GPC5: variants seen among roughly 807,000 people sequenced by gnomAD.
GPC5 encodes the protein glypican-5.
Under a neutral mutation model 53.9 loss-of-function variants are expected in GPC5, and 47 were observed. The observed-to-expected ratio is 0.87, with a 90% CI of 0.69 to 1.11. GPC5 has a LOEUF of 1.11. Among genes scored for constraint, GPC5 ranks in the 50% most tolerant of loss-of-function variants. The pLI is 0.00. For missense variants in GPC5, 748 were observed against 713.1 expected (o/e 1.05, Z -0.56); for synonymous variants, 286 against 263.3 (o/e 1.09, Z -0.84).
At chr13:91,858,254 G>C (rs114500484) in intron 5 of GPC5, among the ~76,000 whole-genome samples, 2 of 151,858 alleles carry the variant, frequency 1.3e-5, no homozygotes, top group African/African-American at 4.8e-5. Context: ...CCAGGTCTTA[G>C]AGGAAAGGCT....
intron 1 of GPC5, among the ~76,000 whole-genome samples, chr13:91,409,384 G>T (rs1877560013): frequency 6.6e-6 from 1 of 152,194 alleles, no homozygotes; most frequent in South Asian, 2.1e-4. Flanking sequence ...CTATTTGTTA[G>T]GTGAAGCTAT....
chr13:92,830,793 A>G (rs1173082939), intron 7 of GPC5, among the ~76,000 whole-genome samples: 1 of 152,162 alleles, frequency 6.6e-6, no homozygotes, highest in Non-Finnish European at 1.5e-5. Context: ...AGAAATTTGA[A>G]TTCTGCAAGT....
intron 1 of GPC5, among the ~76,000 whole-genome samples, chr13:91,448,357 T>G (rs1880945002): frequency 6.6e-6 from 1 of 152,214 alleles, no homozygotes; most frequent in South Asian, 2.1e-4. Flanking sequence ...TCAGTTTCAT[T>G]TCCCCATGAA....
chr13:92,166,512 A>G (rs1242098827), intron 7 of GPC5, among the ~76,000 whole-genome samples: 2 of 152,122 alleles, frequency 1.3e-5, no homozygotes, highest in African/African-American at 4.8e-5. Context: ...TAAACCCATC[A>G]GATAAAGACC....
At chr13:92,484,335 GT>G (rs1260177996) in intron 7 of GPC5, among the ~76,000 whole-genome samples, 2 of 152,004 alleles carry the variant, frequency 1.3e-5, no homozygotes, top group Non-Finnish European at 2.9e-5. Context: ...GTTAATTTTT[GT>G]TTTTTAATAT....
At chr13:92,691,686 C>T (rs1887405039) in intron 7 of GPC5, among the ~76,000 whole-genome samples, 1 of 151,928 alleles carries the variant, frequency 6.6e-6, no homozygotes. Flanking sequence ...TAAATTATCA[C>T]ATTCATTAAC....
intron 2 of GPC5, among the ~76,000 whole-genome samples, chr13:91,671,780 CAA>C (rs55758033): frequency 0.027 from 903 of 32,992 alleles, 1 homozygote; most frequent in African/African-American, 0.084. Context: ...CAATCTGAAG[CAA>C]AAAAAAAAAA....
At chr13:92,608,997 ATTGTT>A (rs1470279508) in intron 7 of GPC5, among the ~76,000 whole-genome samples, 1 of 151,952 alleles carries the variant, frequency 6.6e-6, no homozygotes, top group Non-Finnish European at 1.5e-5. Flanking sequence ...AAAAACTGTT[ATTGTT>A]TTATTTAATT....
At chr13:92,514,734 A>T (rs1880705055) in intron 7 of GPC5, among the ~76,000 whole-genome samples, 1 of 152,178 alleles carries the variant, frequency 6.6e-6, no homozygotes, top group East Asian at 1.9e-4. Context: ...TTCTAAACTC[A>T]GTTCTGGACT....
At chr13:91,732,562 A>G (rs923048744) in intron 4 of GPC5, among the ~76,000 whole-genome samples, 4 of 151,870 alleles carry the variant, frequency 2.6e-5, no homozygotes, top group African/African-American at 9.7e-5. Context: ...TTTTGTTGCA[A>G]TTGCTTTTGG....
chr13:92,460,972 G>C (rs1878455531), intron 7 of GPC5, among the ~76,000 whole-genome samples: 1 of 152,134 alleles, frequency 6.6e-6, no homozygotes, highest in African/African-American at 2.4e-5. Context: ...AAACAAATCT[G>C]AGTGAAGCTT....
rs927168183 is a variant in GPC5 at position 92,858,628 on chromosome 13, C to T, written c.1562-7654C>T. On this transcript the variant is annotated intron_variant, in intron 7 of 7. Coordinates refer to ENST00000377067, the MANE Select transcript of GPC5 (RefSeq NM_004466.6). ...AATCTTGCCTACACACAGATATAGA[C>T]GAAAATAGACAATGGTGACTCCAAA... Among the ~76,000 whole-genome samples the T allele has an allele frequency of 7.9e-5, 12 of 151,884 alleles. No homozygotes were observed. In the East Asian group the frequency reaches 9.7e-4, roughly 12 times the overall value.
At chr13:91,406,461 G>T (rs976294746) in intron 1 of GPC5, among the ~76,000 whole-genome samples, 7 of 152,092 alleles carry the variant, frequency 4.6e-5, no homozygotes, top group African/African-American at 1.4e-4. Context: ...ACCCAACTCC[G>T]ATTTTTATAC....
At chr13:92,035,053 A>G (rs1459530524) in intron 6 of GPC5, among the ~76,000 whole-genome samples, 1 of 152,116 alleles carries the variant, frequency 6.6e-6, no homozygotes, top group Non-Finnish European at 1.5e-5. Flanking sequence ...TCTCATGTAA[A>G]CATTCGAGTT....
chr13:91,905,192 A>G (rs1328204601), intron 5 of GPC5, among the ~76,000 whole-genome samples: 2 of 152,076 alleles, frequency 1.3e-5, no homozygotes, highest in African/African-American at 2.4e-5. Context: ...TCAACACATT[A>G]ATAAAACAGC....
rs1249059712 is a variant in GPC5 at position 91,586,690 on chromosome 13, CA to C, written c.326-106496del. ...CTGCCCCCATGATCCAATCACCCCC[CA>C]GCAGGTCCCTTTCTTGATATGTGGG... On this transcript the variant is annotated intron_variant, in intron 2 of 7. Coordinates refer to ENST00000377067, the MANE Select transcript of GPC5 (RefSeq NM_004466.6). Among the ~76,000 whole-genome samples the C allele has an allele frequency of 1.3e-3, 187 of 148,474 alleles. 2 individuals carry two copies. Among genetic ancestry groups the C allele is most frequent in the African/African-American group, 4.4e-3 (180 of 40,578 alleles).
intron 7 of GPC5, among the ~76,000 whole-genome samples, chr13:92,695,865 T>C (rs1310906894): frequency 6.6e-6 from 1 of 152,002 alleles, no homozygotes; most frequent in Non-Finnish European, 1.5e-5. Context: ...CCCCATCCCA[T>C]GACAGGCCCC....
chr13:92,140,602 T>C (rs1254147981), intron 6 of GPC5, among the ~76,000 whole-genome samples: 1 of 152,218 alleles, frequency 6.6e-6, no homozygotes, highest in Non-Finnish European at 1.5e-5. Context: ...TTTGGATTGA[T>C]AACTCTCCTC....
At chr13:92,120,544 C>G (rs1430741654) in intron 6 of GPC5, among the ~76,000 whole-genome samples, 1 of 152,136 alleles carries the variant, frequency 6.6e-6, no homozygotes, top group Non-Finnish European at 1.5e-5. Flanking sequence ...AGCCACCAAG[C>G]CCAGCCTAAT....
Sources: gnomAD v4.1 joint callset for allele counts (sites outside exome capture counted in the v4.1 genomes callset) on GRCh38, gnomAD v4.1.1 for gene constraint, MANE v1.5 for transcripts, NCBI Gene and HGNC (gene_info 2026-07-23, HGNC 2026-07-21) for gene names.